The following BPIFB3 variants were observed in gnomAD, a reference collection of about 807,000 sequenced individuals.
BPIFB3 encodes the protein BPI fold containing family B member 3, also known as BPI fold-containing family B member 3.
In BPIFB3, 49 loss-of-function variants were observed where a neutral mutation model predicts 53.1. The observed-to-expected ratio is 0.92, with a 90% CI of 0.73 to 1.17. The LOEUF is 1.17. Among genes scored for constraint, BPIFB3 ranks in the 50% most tolerant of loss-of-function variants. The pLI, the probability that BPIFB3 is intolerant of heterozygous loss-of-function variation, is 0.00. For missense variants in BPIFB3, 628 were observed against 592.5 expected (o/e 1.06, Z -0.62); for synonymous variants, 271 against 269.6 (o/e 1.01, Z -0.05).
At chr20:33,056,666 A>G in exon 2 of BPIFB3, 6 of 1,610,490 alleles carry the variant, frequency 3.7e-6, no homozygotes, top group Non-Finnish European at 5.1e-6. Context: ...TGGGCCACGG[A>G]GGGGTTTTTG....
chr20:33,066,795 A>G, intron 8 of BPIFB3, 29 bp from the exon 10 acceptor site: 2 of 1,611,468 alleles, frequency 1.2e-6, no homozygotes. Flanking sequence ...CTCTGTGCTC[A>G]CCAACCCTCT....
intron 9 of BPIFB3, among the ~76,000 whole-genome samples, chr20:33,067,211 G>C (rs570129503): frequency 6.6e-6 from 1 of 152,294 alleles, no homozygotes; most frequent in East Asian, 1.9e-4. Context: ...AGTCTTCAAT[G>C]TCCCCAGAGA....
intron 14 of BPIFB3, among the ~76,000 whole-genome samples, 167 bp downstream of exon 15, chr20:33,072,960 T>TA (rs1379027875): frequency 6.6e-6 from 1 of 152,216 alleles, no homozygotes; most frequent in African/African-American, 2.4e-5. Context: ...GAATGGCAAA[T>TA]ATATGACATG....
chr20:33,072,634 A>G, intron 13 of BPIFB3, 83 bp from the exon 15 acceptor site: 2 of 1,137,894 alleles, frequency 1.8e-6, no homozygotes, highest in Non-Finnish European at 2.6e-6. Flanking sequence ...GTGATGGAAT[A>G]GGGTCAGCAG....
intron 2 of BPIFB3, among the ~76,000 whole-genome samples, chr20:33,057,320 C>G (rs1263757068): frequency 1.3e-5 from 2 of 152,064 alleles, no homozygotes; most frequent in Non-Finnish European, 1.5e-5. Context: ...TCCCGAGTAG[C>G]TGGGATTACA....
intron 4 of BPIFB3, 102 bp from the exon 6 acceptor site, chr20:33,061,666 G>T: frequency 8.7e-7 from 1 of 1,147,720 alleles, no homozygotes; most frequent in South Asian, 1.4e-5. Flanking sequence ...CCCAAGAGAA[G>T]GGAGAGGAGA....
At chr20:33,055,141 T>A (rs528858601), upstream of BPIFB3, among the ~76,000 whole-genome samples, 1 of 152,168 alleles carries the variant, frequency 6.6e-6, no homozygotes, top group African/African-American at 2.4e-5. Context: ...CTTGGTCTAG[T>A]CCCCTACCCC....
intron 13 of BPIFB3, 74 bp from the exon 15 acceptor site, chr20:33,072,643 A>G (rs1027016664): frequency 1.5e-5 from 19 of 1,256,506 alleles, no homozygotes; most frequent in Non-Finnish European, 1.9e-5. Flanking sequence ...TAGGGTCAGC[A>G]GGGTCCGAGG....
chr20:33,070,949 C>T (rs558653804), intron 11 of BPIFB3, among the ~76,000 whole-genome samples: 7 of 152,124 alleles, frequency 4.6e-5, no homozygotes, highest in Non-Finnish European at 1.0e-4. Flanking sequence ...GTCCAGTGCT[C>T]AGTCTGGGGG....
At chr20:33,060,138 A>C (rs1053599448) in intron 4 of BPIFB3, 107 bp downstream of exon 5, 4 of 1,432,728 alleles carry the variant, frequency 2.8e-6, no homozygotes, top group Non-Finnish European at 3.8e-6. Flanking sequence ...GGGGGCCTGA[A>C]CTCGTCCTAC....
rs932296737 is a variant in BPIFB3, at chr20:33,067,639, G to A, written c.978+762G>A. 6.6e-5 allele frequency among the ~76,000 whole-genome samples: 10 copies of A among 152,234 alleles called. 1 individual carries two copies. The highest frequency in any genetic ancestry group is 1.5e-4 in the Non-Finnish European group (10 of 68,046). Reference sequence around the variant, plus strand: ...GCCTCATGGAAGGGATGCGATTGGAGTCAGACATTCAGAAGAACCTCCAGA... The same window carrying A: ...GCCTCATGGAAGGGATGCGATTGGAATCAGACATTCAGAAGAACCTCCAGA... On this transcript the variant is annotated intron_variant, in intron 9 of 14. Coordinates refer to ENST00000375494, the Ensembl canonical transcript of BPIFB3.
chr20:33,071,377 G>A, intron 12 of BPIFB3, 82 bp downstream of exon 13: 1 of 1,452,128 alleles, frequency 6.9e-7, no homozygotes, highest in Non-Finnish European at 9.4e-7. Context: ...CATGAGTCAT[G>A]GGCCATATGA....
At chr20:33,072,945 C>T (rs1205815821) in intron 14 of BPIFB3, 152 bp downstream of exon 15, 1 of 684,376 alleles carries the variant, frequency 1.5e-6, no homozygotes, top group African/African-American at 1.8e-5. Flanking sequence ...AATTGCCTAA[C>T]TTAGGAATGG....
chr20:33,058,772 G>T (rs753491962), intron 2 of BPIFB3, among the ~76,000 whole-genome samples: 15 of 151,962 alleles, frequency 9.9e-5, no homozygotes, highest in Non-Finnish European at 1.8e-4. Flanking sequence ...GGCGCTCAGA[G>T]GGCATCTGCC....
At position 33,068,691 on chromosome 20, in the gene BPIFB3, C is replaced by G. The variant is rs536945118; in HGVS notation, c.979-112C>G. 6 of 1,136,606 alleles carry G rather than the reference C, an allele frequency of 5.3e-6. No homozygotes were observed. The South Asian group carries it at 9.0e-5, about 17-fold the overall frequency. 70.4% of individuals were successfully genotyped at this position (1,136,606 alleles called of 1,614,324 possible). On this transcript the variant is annotated intron_variant, in intron 9 of 14. Coordinates refer to ENST00000375494, the Ensembl canonical transcript of BPIFB3. ...AGGCCTGTGTCTTTCAGGCTGTAAC[C>G]TCGTTGCCCAGCACGTTGCCCAGTG... is the stretch of plus-strand genomic sequence containing the variant.
chr20:33,061,121 TTC>T (rs1485156017), intron 4 of BPIFB3, among the ~76,000 whole-genome samples: 1 of 152,198 alleles, frequency 6.6e-6, no homozygotes, highest in Non-Finnish European at 1.5e-5. Flanking sequence ...CATCAGGCAG[TTC>T]TGTGTTAGCT....
chr20:33,062,054 C>T (rs543561492), intron 5 of BPIFB3, among the ~76,000 whole-genome samples: 5 of 4,198 alleles, frequency 1.2e-3, no homozygotes, highest in African/African-American at 5.4e-3. Context: ...GCTCCCAAAT[C>T]GTAGGCTCCT....
intron 9 of BPIFB3, 60 bp from the exon 11 acceptor site, chr20:33,068,743 C>T: frequency 6.5e-7 from 1 of 1,533,458 alleles, no homozygotes; most frequent in Non-Finnish European, 8.9e-7. Context: ...TGAGTGTTTG[C>T]TGACTGACTG....
Position 33,064,438 on chromosome 20 carries a change from C to T in BPIFB3, c.653-19C>T. 6.2e-7 allele frequency: 1 copy of T among 1,607,718 alleles called. No individual in the cohort carries two copies. The highest frequency in any genetic ancestry group is 8.5e-7 in the Non-Finnish European group (1 of 1,174,296). ...AACTGGGCTTATAGGGTCGTTCTCG[C>T]CCCCACTTTCCCACGCAGGCCTGGT... On this transcript the variant is annotated intron_variant, in intron 6 of 14. Transcript: ENST00000375494.
Sources: gnomAD v4.1 joint callset for allele counts (sites outside exome capture counted in the v4.1 genomes callset) on GRCh38, gnomAD v4.1.1 for gene constraint, MANE v1.5 for transcripts, NCBI Gene and HGNC (gene_info 2026-07-23, HGNC 2026-07-21) for gene names.